EIF3A: variants seen among roughly 807,000 people sequenced by gnomAD.
EIF3A encodes the protein EIF3, p180 subunit.
EIF3A carries 21 observed loss-of-function variants against 186.6 expected under a neutral mutation model. That is an observed-to-expected ratio of 0.11 (90% CI 0.08 to 0.16). The LOEUF (loss-of-function observed/expected upper bound fraction) is 0.16, where lower values mean the gene tolerates loss of function less well. Among genes scored for constraint, EIF3A ranks in the 10% least tolerant of loss-of-function variants. EIF3A has a pLI of 1.00. For synonymous variants in EIF3A, 563 were observed against 584.3 expected (o/e 0.96, Z 0.52); for missense variants, 1,306 against 1,796.3 (o/e 0.73, Z 4.93).
chr10:119,069,923 C>T (rs934463878), intron 5 of EIF3A, among the ~76,000 whole-genome samples: 3 of 151,970 alleles, frequency 2.0e-5, no homozygotes, highest in Non-Finnish European at 2.9e-5. Flanking sequence ...CCCATCACTT[C>T]GGGCAATATA....
intron 17 of EIF3A, among the ~76,000 whole-genome samples, chr10:119,047,988 C>T (rs1208953570): frequency 6.6e-6 from 1 of 152,096 alleles, no homozygotes; most frequent in Non-Finnish European, 1.5e-5. Context: ...AAAGGAAGAG[C>T]GTGCAGACAG....
chr10:119,065,306 G>GA, intron 7 of EIF3A, 93 bp downstream of exon 7: 2 of 957,382 alleles, frequency 2.1e-6, no homozygotes, highest in African/African-American at 3.3e-5. Flanking sequence ...CCTTGGCACT[G>GA]AATCAGAATT....
At chr10:119,070,364 G>A (rs1844052086) in intron 5 of EIF3A, among the ~76,000 whole-genome samples, 2 of 152,136 alleles carry the variant, frequency 1.3e-5, no homozygotes, top group South Asian at 4.1e-4. Context: ...ATAATCTACA[G>A]CAGCACTTCT....
chr10:119,069,563 T>G lies in EIF3A; in HGVS notation c.833A>C (p.Lys278Thr). 1 of 1,587,806 alleles carries G rather than the reference T, an allele frequency of 6.3e-7. No homozygotes were observed. The highest frequency in any genetic ancestry group is 8.7e-7 in the Non-Finnish European group (1 of 1,155,974). ...KPQLMANYYNKVSTVFWKSGN... is the reference protein window; with the variant it reads ...KPQLMANYYNTVSTVFWKSGN... ...AGATTTCCAAAACACAGTTGAGACT[T>G]TGTTATAGTAATTTGCCATCAACTG... The change falls in exon 6 of 22, where the codon AAA (lysine) becomes ACA (threonine). Residue 278 changes from lysine to threonine, a missense_variant. Transcript: ENST00000369144.
intron 14 of EIF3A, among the ~76,000 whole-genome samples, chr10:119,053,078 G>A (rs1291546777): frequency 6.6e-6 from 1 of 152,156 alleles, no homozygotes. Context: ...CAGATGCATT[G>A]TCAATGAGCA....
At chr10:119,052,294 T>C (rs909094269) in intron 14 of EIF3A, among the ~76,000 whole-genome samples, 1 of 152,010 alleles carries the variant, frequency 6.6e-6, no homozygotes, top group Non-Finnish European at 1.5e-5. Context: ...AAGAAGCAAC[T>C]CCTCACCCAT....
At chr10:119,080,446 C>G in intron 1 of EIF3A, 182 bp downstream of exon 1, 1 of 985,446 alleles carries the variant, frequency 1.0e-6, no homozygotes, top group African/African-American at 1.7e-5. Flanking sequence ...CTCCCAGACC[C>G]CAGTCGATAG....
intron 17 of EIF3A, among the ~76,000 whole-genome samples, chr10:119,047,880 AGAG>A (rs1419004578): frequency 3.3e-5 from 5 of 152,148 alleles, no homozygotes; most frequent in Non-Finnish European, 7.3e-5. Flanking sequence ...TGGCAAAAAT[AGAG>A]GAGCAGAGAA....
At chr10:119,058,455 G>C (rs527772590) in intron 11 of EIF3A, 152 bp from the exon 12 acceptor site, 51 of 643,850 alleles carry the variant, frequency 7.9e-5, no homozygotes, top group South Asian at 1.2e-4. Flanking sequence ...GTTTGTTTTC[G>C]GTATTAAATG....
rs1848103353 is a variant in EIF3A at position 119,034,681 on chromosome 10, C to G, written c.*1358G>C. 2.0e-5 allele frequency: 3 copies of G among 152,220 alleles called. No homozygotes were observed. The highest frequency in any genetic ancestry group is 1.3e-4 in the Admixed American group (2 of 15,282). 9.4% of individuals were successfully genotyped at this position (152,220 alleles called of 1,614,324 possible). A position where few individuals can be genotyped will look rare whatever the true frequency, so the allele number is the denominator to read the frequency against. Reference sequence around the variant, plus strand: ...GTACCAATAGGAATTCTCACCACTACTCAATAACAGAAATAAGTGCCTACA... The same window carrying G: ...GTACCAATAGGAATTCTCACCACTAGTCAATAACAGAAATAAGTGCCTACA... On this transcript the variant is annotated 3_prime_UTR_variant, in exon 22 of 22. Transcript: ENST00000369144.
intron 16 of EIF3A, 25 bp downstream of exon 16, chr10:119,050,496 C>A: frequency 6.2e-7 from 1 of 1,609,858 alleles, no homozygotes; most frequent in Non-Finnish European, 8.5e-7. Context: ...ATTAGCACCC[C>A]TCCAATCCTG....
At chr10:119,052,565 A>G (rs1848374071) in intron 14 of EIF3A, among the ~76,000 whole-genome samples, 1 of 151,978 alleles carries the variant, frequency 6.6e-6, no homozygotes, top group African/African-American at 2.4e-5. Context: ...TTGTAGAGAC[A>G]GGGTTTCACC....
At chr10:119,072,861 T>A in intron 4 of EIF3A, 29 bp downstream of exon 4, 1 of 1,584,264 alleles carries the variant, frequency 6.3e-7, no homozygotes, top group South Asian at 1.2e-5. Flanking sequence ...TTCAAAGCAC[T>A]TCACTCAGAT....
chr10:119,046,360 T>C (rs1589686724), intron 17 of EIF3A, among the ~76,000 whole-genome samples: 1 of 152,168 alleles, frequency 6.6e-6, no homozygotes, highest in Admixed American at 6.5e-5. Flanking sequence ...AAAAAACTTA[T>C]GAGACACACA....
At chr10:119,054,022 G>C (rs1848392610) in intron 14 of EIF3A, among the ~76,000 whole-genome samples, 2 of 152,140 alleles carry the variant, frequency 1.3e-5, no homozygotes, top group Admixed American at 6.5e-5. Context: ...CCAGGTTCAT[G>C]CAATTCTCCT....
intron 8 of EIF3A, 139 bp from the exon 9 acceptor site, chr10:119,060,983 A>G (rs1200022259): frequency 3.1e-6 from 2 of 655,728 alleles, no homozygotes; most frequent in Non-Finnish European, 5.0e-6. Flanking sequence ...AGCTACTGAT[A>G]CTTGTTTGAA....
chr10:119,080,780 A>G lies in EIF3A; in HGVS notation c.-104T>C, dbSNP rs966029252. ...AGCGTAAGGTCCCACGCGCCTCGCC[A>G]GCAGTCGCCCGCGCCCAGCCGGCCA... On this transcript the variant is annotated 5_prime_UTR_variant, in exon 1 of 22. Transcript: ENST00000369144. 1.4e-6 allele frequency: 2 copies of G among 1,456,932 alleles called. No individual in the cohort carries two copies. The highest frequency in any genetic ancestry group is 1.8e-6 in the Non-Finnish European group (2 of 1,100,386). 90.3% of individuals were successfully genotyped at this position (1,456,932 alleles called of 1,614,324 possible).
At position 119,042,521 on chromosome 10, in the gene EIF3A, C is replaced by T. The variant is rs757558927; in HGVS notation, c.2999G>A (p.Arg1000Gln). The change falls in exon 19 of 22, where the codon CGA becomes CAA. Residue 1000 changes from arginine (R) to glutamine (Q), a missense_variant. This residue lies in a region of EIF3A where 410 missense variants were observed against 473.5 expected (regional missense o/e 0.87). Coordinates refer to ENST00000369144, the MANE Select transcript of EIF3A (RefSeq NM_003750.4). This position sits in a 1 kb window ranked among gnomAD's most constrained non-coding sequence, Gnocchi z 7.8. ...GTTTCCCCTGTCTTCATCGGCAATTCGTCTGGGAGGCCTGTCATCATCTGT... is the reference window on the plus strand; with the variant it reads ...GTTTCCCCTGTCTTCATCGGCAATTTGTCTGGGAGGCCTGTCATCATCTGT... Reference protein sequence around the residue: ...RNTDDDRPPRRIADEDRGNWR... With the variant: ...RNTDDDRPPRQIADEDRGNWR... 2.7e-5 allele frequency: 43 copies of T among 1,614,178 alleles called. No homozygotes were observed. The highest frequency in any genetic ancestry group is 3.6e-5 in the Non-Finnish European group (42 of 1,180,038).
intron 16 of EIF3A, 132 bp from the exon 17 acceptor site, chr10:119,050,117 C>A: frequency 1.1e-6 from 1 of 874,278 alleles, no homozygotes; most frequent in African/African-American, 1.7e-5. Flanking sequence ...TTGTAATCAG[C>A]TACAGGACAG....
Sources: gnomAD v4.1 joint callset for allele counts (sites outside exome capture counted in the v4.1 genomes callset) on GRCh38, gnomAD v4.1.1 for gene constraint, gnomAD v4.1.1 regional missense constraint, Gnocchi (gnomAD v3.1) non-coding constraint, MANE v1.5 for transcripts, NCBI Gene and HGNC (gene_info 2026-07-23, HGNC 2026-07-21) for gene names.